SLC24A4: variants seen among roughly 807,000 people sequenced by gnomAD.
The protein encoded by SLC24A4 is solute carrier family 24 member 4.
SLC24A4 carries 53 observed loss-of-function variants against 79.0 expected under a neutral mutation model. That is an observed-to-expected ratio of 0.67 (90% CI 0.54 to 0.84). SLC24A4 has a LOEUF of 0.84. SLC24A4 is among the 40% of genes least tolerant of loss of function. SLC24A4 has a pLI of 0.00. For synonymous variants in SLC24A4, 323 were observed against 323.8 expected, an observed-to-expected ratio of 1.00 and a Z score of 0.03; for missense variants, 731 against 822.0, an observed-to-expected ratio of 0.89 and a Z score of 1.35.
At chr14:92,364,039 G>T (rs1887683912) in intron 2 of SLC24A4, among the ~76,000 whole-genome samples, 1 of 152,078 alleles carries the variant, frequency 6.6e-6, no homozygotes, top group Admixed American at 6.5e-5. Flanking sequence ...GGTGACTCTT[G>T]CTCCTTCTTC....
Position 92,449,176 on chromosome 14 carries a change from C to T in SLC24A4, c.840C>T (p.Asp280=), listed in dbSNP as rs748071267. Residue 280 remains aspartate, a synonymous_variant, in exon 10 of 17, where the codon GAC becomes GAT. Transcript: ENST00000532405. Reference sequence around the variant, plus strand: ...TGGAGGCTGGTAATGATTTCTATGACGGTAGCTATGATGACCCTTCCGTGC... The same window carrying T: ...TGGAGGCTGGTAATGATTTCTATGATGGTAGCTATGATGACCCTTCCGTGC... The part of the protein sequence containing the change: ...SELEAGNDFY[D]GSYDDPSVPL... 2.0e-5 allele frequency: 33 copies of T among 1,614,014 alleles called. No individual in the cohort carries two copies. The highest frequency in any genetic ancestry group is 6.7e-5 in the East Asian group (3 of 44,894).
At chr14:92,408,030 TGTGA>T (rs1331066410) in intron 2 of SLC24A4, among the ~76,000 whole-genome samples, 1 of 152,056 alleles carries the variant, frequency 6.6e-6, no homozygotes, top group East Asian at 1.9e-4. Flanking sequence ...GCAGTGTGTG[TGTGA>T]GTGTGTGTGT....
Position 92,443,614 on chromosome 14 carries a change from C to T in SLC24A4, c.657+140C>T, listed in dbSNP as rs574044164. 331 of 865,288 alleles carry T rather than the reference C, an allele frequency of 3.8e-4. 1 individual carries two copies. The highest frequency in any genetic ancestry group is 7.3e-4 in the South Asian group (48 of 65,326). 53.6% of individuals were successfully genotyped at this position (865,288 alleles called of 1,614,324 possible). On this transcript the variant is annotated intron_variant, in intron 7 of 16. Coordinates refer to ENST00000532405, the MANE Select transcript of SLC24A4 (RefSeq NM_153646.4). The stretch of plus-strand genomic sequence containing the variant: ...AGTGGGGTGTGCCAGCCACTCACTG[C>T]GGTCACAGTGACCAGCGCCCCGACC...
chr14:92,372,392 G>T (rs550262833), intron 2 of SLC24A4, among the ~76,000 whole-genome samples: 1 of 152,250 alleles, frequency 6.6e-6, no homozygotes, highest in Admixed American at 6.5e-5. Context: ...ACAGACATTT[G>T]CAGCTGGTGG....
intron 2 of SLC24A4, among the ~76,000 whole-genome samples, chr14:92,332,661 A>G (rs545875199): frequency 1.3e-5 from 2 of 152,204 alleles, no homozygotes; most frequent in African/African-American, 4.8e-5. Context: ...AGGTACCTCC[A>G]CCTCAGAGGA....
intron 2 of SLC24A4, among the ~76,000 whole-genome samples, chr14:92,369,434 C>G (rs1888025759): frequency 1.3e-5 from 2 of 151,954 alleles, no homozygotes; most frequent in Admixed American, 6.6e-5. Context: ...CTGGAGACTT[C>G]AAAGATATCA....
chr14:92,499,177 T>C lies in SLC24A4; in HGVS notation c.*5549T>C, dbSNP rs1375822938. On this transcript the variant is annotated 3_prime_UTR_variant, in exon 17 of 17. Transcript: ENST00000532405. The stretch of plus-strand genomic sequence containing the variant: ...GGGCACGGGTTGTCTTTCACCTGCA[T>C]GTTTCTAAGGCTCTTTATTCAATCT... The C allele has an allele frequency of 2.0e-5, 3 of 152,246 alleles. No homozygotes were observed. The highest frequency in any genetic ancestry group is 7.2e-5 in the African/African-American group (3 of 41,462). The allele number at this position is 152,246 out of a possible 1,614,324, so 9.4% of individuals were successfully genotyped here. A position where few individuals can be genotyped will look rare whatever the true frequency, so the allele number is the denominator to read the frequency against.
At chr14:92,360,793 C>T (rs1316179121) in intron 2 of SLC24A4, among the ~76,000 whole-genome samples, 2 of 152,216 alleles carry the variant, frequency 1.3e-5, no homozygotes, top group African/African-American at 2.4e-5. Flanking sequence ...GCGACAAACT[C>T]GGTCCCTGGA....
intron 2 of SLC24A4, among the ~76,000 whole-genome samples, chr14:92,341,790 C>T (rs1017091985): frequency 7.9e-5 from 12 of 152,180 alleles, no homozygotes; most frequent in African/African-American, 2.7e-4. Flanking sequence ...GAGATGATTC[C>T]GTGCTGGCAG....
chr14:92,430,314 GAGA>G (rs1891795336), intron 2 of SLC24A4, among the ~76,000 whole-genome samples: 1 of 152,224 alleles, frequency 6.6e-6, no homozygotes. Flanking sequence ...CATCCATTTT[GAGA>G]AGCAGGAGCA....
intron 2 of SLC24A4, among the ~76,000 whole-genome samples, chr14:92,402,073 G>A (rs1440908066): frequency 6.6e-6 from 1 of 152,164 alleles, no homozygotes; most frequent in Non-Finnish European, 1.5e-5. Flanking sequence ...CGAGCTTGCT[G>A]ATTGCAGTCC....
At chr14:92,463,563 C>T (rs894967437) in intron 12 of SLC24A4, among the ~76,000 whole-genome samples, 1 of 152,178 alleles carries the variant, frequency 6.6e-6, no homozygotes, top group East Asian at 1.9e-4. Context: ...TTTAAAGGAG[C>T]TTCCTTTTCA....
intron 2 of SLC24A4, among the ~76,000 whole-genome samples, chr14:92,335,626 G>A (rs534034731): frequency 6.6e-6 from 1 of 152,176 alleles, no homozygotes; most frequent in South Asian, 2.1e-4. Flanking sequence ...GCCTCCCAAA[G>A]TGCTGGGATT....
chr14:92,429,364 G>A (rs961151768), intron 2 of SLC24A4, among the ~76,000 whole-genome samples: 1 of 27,914 alleles, frequency 3.6e-5, no homozygotes, highest in African/African-American at 1.9e-4. Flanking sequence ...TTTAGTGTAT[G>A]TGAGATAGAT....
intron 12 of SLC24A4, among the ~76,000 whole-genome samples, chr14:92,460,226 G>T (rs1489367241): frequency 6.6e-6 from 1 of 152,156 alleles, no homozygotes; most frequent in Non-Finnish European, 1.5e-5. Context: ...CACCAGCAGG[G>T]TGAGTCTGGG....
In SLC24A4 at chr14:92,497,755, G is replaced by C. The variant is rs1895981017; in HGVS notation, c.*4127G>C. 1 of 152,392 alleles carries C rather than the reference G, an allele frequency of 6.6e-6. No homozygotes were observed. The highest frequency in any genetic ancestry group is 2.4e-5 in the African/African-American group (1 of 41,460). The allele number at this position is 152,392 out of a possible 1,614,324, so 9.4% of individuals were successfully genotyped here. A position where few individuals can be genotyped will look rare whatever the true frequency, so the allele number is the denominator to read the frequency against. ...GGGTGAATGGGTCCTTGGGGGAGGGGTTGGTCTTTTGTCTCGCATCCCCAT... is the reference window on the plus strand; with the variant it reads ...GGGTGAATGGGTCCTTGGGGGAGGGCTTGGTCTTTTGTCTCGCATCCCCAT... On this transcript the variant is annotated 3_prime_UTR_variant, in exon 17 of 17. Coordinates refer to ENST00000532405, the MANE Select transcript of SLC24A4 (RefSeq NM_153646.4).
At chr14:92,447,131 C>T (rs1338917422) in intron 8 of SLC24A4, among the ~76,000 whole-genome samples, 1 of 152,236 alleles carries the variant, frequency 6.6e-6, no homozygotes. Context: ...CTCTGTCCTG[C>T]AGACCTCTAT....
chr14:92,350,121 C>G (rs528336816), intron 2 of SLC24A4, among the ~76,000 whole-genome samples: 1 of 152,360 alleles, frequency 6.6e-6, no homozygotes, highest in Non-Finnish European at 1.5e-5. Context: ...GTTGAAGTCT[C>G]TCTGTCTAGA....
At chr14:92,420,946 A>C (rs909726680) in intron 2 of SLC24A4, among the ~76,000 whole-genome samples, 4 of 152,072 alleles carry the variant, frequency 2.6e-5, no homozygotes, top group Non-Finnish European at 2.9e-5. Context: ...CCTACCTGAG[A>C]ATGGGTCCTG....
Sources: allele counts gnomAD v4.1 joint callset (sites outside exome capture counted in the v4.1 genomes callset), GRCh38; gene constraint gnomAD v4.1.1; transcripts MANE v1.5; gene names NCBI Gene and HGNC (gene_info 2026-07-23, HGNC 2026-07-21).